ZNF891: variants seen among roughly 807,000 people sequenced by gnomAD.
The protein encoded by ZNF891 is hCG1646157.
For synonymous variants in ZNF891, 199 were observed against 209.0 expected (o/e 0.95, Z 0.41); for missense variants, 589 against 632.7 (o/e 0.93, Z 0.74).
chr12:133,129,502 CAAA>C (rs35653414), intron 1 of ZNF891, among the ~76,000 whole-genome samples: 2 of 92,758 alleles, frequency 2.2e-5, no homozygotes. Context: ...AACTCTGTCT[CAAA>C]AAAAAAAAAA....
rs1955665242 is a variant in ZNF891, at chr12:133,109,510, C to CTT, written c.*10772_*10773dup. 1.3e-5 allele frequency: 2 copies of CTT among 151,472 alleles called. No homozygotes were observed. The highest frequency in any genetic ancestry group is 1.3e-4 in the Admixed American group (2 of 15,230). 9.4% of individuals were successfully genotyped at this position (151,472 alleles called of 1,614,324 possible). On this transcript the variant is annotated 3_prime_UTR_variant, in exon 2 of 2. Coordinates refer to ENST00000537226, the MANE Select transcript of ZNF891 (RefSeq NM_001277291.2). ...GTTCACTTAAATATTCTCAAGTTCA[C>CTT]TTAAATATTCTCAACTAAGGGAGAG...
rs1955733487 is a variant in ZNF891 at position 133,119,227 on chromosome 12, A to C, written c.*1057T>G. ...AGAGACTCTGTCTGAAAAATTGAAA[A>C]AAAAAAAGAAAAAATCAATTAACAT... On this transcript the variant is annotated 3_prime_UTR_variant, in exon 2 of 2. Coordinates refer to ENST00000537226, the MANE Select transcript of ZNF891 (RefSeq NM_001277291.2). 1 of 151,938 alleles carries C rather than the reference A, an allele frequency of 6.6e-6. No individual in the cohort carries two copies. The highest frequency in any genetic ancestry group is 1.5e-5 in the Non-Finnish European group (1 of 67,944). The allele number at this position is 151,938 out of a possible 1,614,324, so 9.4% of individuals were successfully genotyped here.
rs1285439942 is a variant in ZNF891, at chr12:133,108,556, A to ATAAC, written c.*11724_*11727dup. ...ACATAGTCTATGGCTCCTTACCTCT[A>ATAAC]TAACTGAAGAGTTTAATATACAGCC... On this transcript the variant is annotated 3_prime_UTR_variant, in exon 2 of 2. Coordinates refer to ENST00000537226, the MANE Select transcript of ZNF891 (RefSeq NM_001277291.2). 6.6e-6 allele frequency: 1 copy of ATAAC among 152,074 alleles called. No homozygotes were observed. The highest frequency in any genetic ancestry group is 1.5e-5 in the Non-Finnish European group (1 of 68,014). 9.4% of individuals were successfully genotyped at this position (152,074 alleles called of 1,614,324 possible). A position where few individuals can be genotyped will look rare whatever the true frequency, so the allele number is the denominator to read the frequency against.
chr12:133,105,548 A>G lies in ZNF891; in HGVS notation c.*14736T>C, dbSNP rs868658403. 1.1e-4 allele frequency: 175 copies of G among 1,610,370 alleles called. No individual in the cohort carries two copies. The African/African-American group carries it at 1.8e-3, about 16-fold the overall frequency. ...TGGTGAGATCAAAGACTTTTCACCAAAAAATGTCATTTATGATGACTCATC... is the reference window on the plus strand; with the variant it reads ...TGGTGAGATCAAAGACTTTTCACCAGAAAATGTCATTTATGATGACTCATC... On this transcript the variant is annotated 3_prime_UTR_variant, in exon 2 of 2. Coordinates refer to ENST00000537226, the MANE Select transcript of ZNF891 (RefSeq NM_001277291.2).
chr12:133,118,269 G>A lies in ZNF891; in HGVS notation c.*2015C>T, dbSNP rs1056634578. Reference sequence around the variant, plus strand: ...TCACCTTCCTTTTTGAAACTTGTTTGTCTTGGTTCAGTGAAACTCCACTCT... The same window carrying A: ...TCACCTTCCTTTTTGAAACTTGTTTATCTTGGTTCAGTGAAACTCCACTCT... On this transcript the variant is annotated 3_prime_UTR_variant, in exon 2 of 2. Transcript: ENST00000537226. 1.3e-5 allele frequency: 2 copies of A among 152,216 alleles called. No individual in the cohort carries two copies. The highest frequency in any genetic ancestry group is 2.4e-5 in the African/African-American group (1 of 41,416). The allele number at this position is 152,216 out of a possible 1,614,324, so 9.4% of individuals were successfully genotyped here.
At position 133,120,121 on chromosome 12, in the gene ZNF891, G is replaced by C. The variant is rs967465248; in HGVS notation, c.*163C>G. 2 of 532,496 alleles carry C rather than the reference G, an allele frequency of 3.8e-6. No homozygotes were observed. The highest frequency in any genetic ancestry group is 6.4e-6 in the Non-Finnish European group (2 of 311,024). 33.0% of individuals were successfully genotyped at this position (532,496 alleles called of 1,614,324 possible). On this transcript the variant is annotated 3_prime_UTR_variant, in exon 2 of 2. Transcript: ENST00000537226. Reference sequence around the variant, plus strand: ...TATTAAAAATACCTAATTCTAAACAGCCATGGATCAAAAAAAGTCATAATT... The same window carrying C: ...TATTAAAAATACCTAATTCTAAACACCCATGGATCAAAAAAAGTCATAATT...
At position 133,114,854 on chromosome 12, in the gene ZNF891, G is replaced by A. The variant is rs1955706511; in HGVS notation, c.*5430C>T. On this transcript the variant is annotated 3_prime_UTR_variant, in exon 2 of 2. Coordinates refer to ENST00000537226, the MANE Select transcript of ZNF891 (RefSeq NM_001277291.2). ...AGATTTTATCTTAACTGGAGAAAAA[G>A]GCCAGAAGAAGATTAAACGTGAAAT... The A allele has an allele frequency of 6.6e-6, 1 of 152,192 alleles. No individual in the cohort carries two copies. Among genetic ancestry groups the A allele is most frequent in the South Asian group, 2.1e-4 (1 of 4,836 alleles). 9.4% of individuals were successfully genotyped at this position (152,192 alleles called of 1,614,324 possible). A position where few individuals can be genotyped will look rare whatever the true frequency, so the allele number is the denominator to read the frequency against.
chr12:133,121,013 C>G lies in ZNF891; in HGVS notation c.906G>C (p.Leu302=). The change falls in exon 2 of 2, where the codon CTG becomes CTC. Residue 302 remains leucine (L), a synonymous_variant. Transcript: ENST00000537226. ...GTTTCTTAAGGGATGATTGATGACA[C>G]AGCGTTTCATCTTTATTACATTCAC... The part of the protein sequence containing the change: ...NACECNKDET[L]CHQSSLKKQG... 6.5e-7 allele frequency: 1 copy of G among 1,535,688 alleles called. No individual in the cohort carries two copies. Among genetic ancestry groups the G allele is most frequent in the Non-Finnish European group, 8.7e-7 (1 of 1,146,876 alleles).
At chr12:133,127,372 C>G (rs1321692697) in intron 1 of ZNF891, among the ~76,000 whole-genome samples, 1 of 152,098 alleles carries the variant, frequency 6.6e-6, no homozygotes, top group Non-Finnish European at 1.5e-5. Flanking sequence ...TTTTTGAATA[C>G]CAAAGAGCTC....
chr12:133,123,174 G>A (rs753203293), intron 1 of ZNF891, among the ~76,000 whole-genome samples: 14 of 152,114 alleles, frequency 9.2e-5, no homozygotes, highest in Non-Finnish European at 1.6e-4. Context: ...TTTTTATTTA[G>A]ACAAAGATCT....
chr12:133,123,931 A>G (rs1955789782), intron 1 of ZNF891, among the ~76,000 whole-genome samples: 1 of 152,306 alleles, frequency 6.6e-6, no homozygotes, highest in East Asian at 1.9e-4. Flanking sequence ...AAAATATTTG[A>G]ATAAATGGCG....
intron 1 of ZNF891, among the ~76,000 whole-genome samples, chr12:133,125,167 T>A (rs150478374): frequency 2.7e-4 from 39 of 145,210 alleles, no homozygotes; most frequent in African/African-American, 9.2e-4. Flanking sequence ...TGCCTATACA[T>A]TAGTTACTTA....
intron 1 of ZNF891, among the ~76,000 whole-genome samples, chr12:133,122,639 T>C (rs555916158): frequency 2.9e-4 from 44 of 152,334 alleles, no homozygotes; most frequent in African/African-American, 8.9e-4. Flanking sequence ...AGCTAATGCA[T>C]GCCAGGCTTA....
chr12:133,125,475 C>G (rs1955805758), intron 1 of ZNF891: 1 of 156,606 alleles, frequency 6.4e-6, no homozygotes, highest in Non-Finnish European at 1.4e-5. Context: ...GCCTTTTTCA[C>G]AAGATGGCAC....
At chr12:133,126,353 A>G (rs972953664) in intron 1 of ZNF891, among the ~76,000 whole-genome samples, 3 of 151,890 alleles carry the variant, frequency 2.0e-5, no homozygotes, top group Non-Finnish European at 4.4e-5. Flanking sequence ...GGGTGCCTGT[A>G]GTCCCAGCTA....
At chr12:133,130,066 C>T (rs1955860271) in intron 1 of ZNF891, among the ~76,000 whole-genome samples, 161 bp downstream of exon 1, 1 of 152,156 alleles carries the variant, frequency 6.6e-6, no homozygotes, top group South Asian at 2.1e-4. Flanking sequence ...GTAAGTAGCC[C>T]CTCCTCCCTC....
rs2137597814 is a variant in ZNF891 at position 133,106,519 on chromosome 12, A to G, written c.*13765T>C. ...CTCATACTGGAGAGAAACCCTATGT[A>G]TGTAAGGTATGCAACAAATCCTTCA... On this transcript the variant is annotated 3_prime_UTR_variant, in exon 2 of 2. Transcript: ENST00000537226. The G allele has an allele frequency of 6.2e-7, 1 of 1,614,090 alleles. No homozygotes were observed. Among genetic ancestry groups the G allele is most frequent in the Non-Finnish European group, 8.5e-7 (1 of 1,180,002 alleles).
At position 133,120,319 on chromosome 12, in the gene ZNF891, G is replaced by A; in HGVS notation, c.1600C>T (p.His534Tyr). 1 of 1,553,436 alleles carries A rather than the reference G, an allele frequency of 6.4e-7. No homozygotes were observed. The highest frequency in any genetic ancestry group is 8.7e-7 in the Non-Finnish European group (1 of 1,152,602). Residue 534 changes from histidine (H) to tyrosine (Y), a missense_variant, in exon 2 of 2, where the codon CAC becomes TAC. By Grantham distance (83) the His-to-Tyr change is moderately conservative. Coordinates refer to ENST00000537226, the MANE Select transcript of ZNF891 (RefSeq NM_001277291.2). ...TCTCTCTCAGTATGAATTCTCTTGTGTATAATAAGTGAAGAGCTCTGACTG... is the reference window on the plus strand; with the variant it reads ...TCTCTCTCAGTATGAATTCTCTTGTATATAATAAGTGAAGAGCTCTGACTG... ...AFSQSSSLIIHKRIHTERETL is the reference protein window; with the variant it reads ...AFSQSSSLIIYKRIHTERETL
rs550091729 is a variant in ZNF891 at position 133,107,299 on chromosome 12, T to TA, written c.*12984dup. 6.2e-4 allele frequency: 94 copies of TA among 152,370 alleles called. No homozygotes were observed. Among genetic ancestry groups the TA allele is most frequent in the African/African-American group, 2.2e-3 (93 of 41,600 alleles). 9.4% of individuals were successfully genotyped at this position (152,370 alleles called of 1,614,324 possible). A position where few individuals can be genotyped will look rare whatever the true frequency, so the allele number is the denominator to read the frequency against. On this transcript the variant is annotated 3_prime_UTR_variant, in exon 2 of 2. Transcript: ENST00000537226. ...TGTAATAAGTGTAGCAAAATCTCCT[T>TA]AGATATCTGAAAAGTCATACTGGAT...
Sources: gnomAD v4.1 joint callset for allele counts (sites outside exome capture counted in the v4.1 genomes callset) on GRCh38, gnomAD v4.1.1 for gene constraint, MANE v1.5 for transcripts, NCBI Gene and HGNC (gene_info 2026-07-23, HGNC 2026-07-21) for gene names.